Variants in NMRK2 observed in about 807,000 individuals in gnomAD.
The protein encoded by NMRK2 is nicotinamide riboside kinase 2.
A neutral mutation model predicts 24.7 loss-of-function variants in NMRK2; 34 were observed. That is an observed-to-expected ratio of 1.37 (90% CI 1.05 to 1.83). NMRK2 has a LOEUF of 1.83. Ranked by LOEUF, NMRK2 falls within the 40% of genes most tolerant of loss-of-function variation. The pLI is 0.00. For synonymous variants in NMRK2, 145 were observed against 125.6 expected, an observed-to-expected ratio of 1.15 and a Z score of -1.03; for missense variants, 341 against 315.0, an observed-to-expected ratio of 1.08 and a Z score of -0.62.
rs1346621455 is a variant in NMRK2 at position 3,942,321 on chromosome 19, TC to T, written c.*51del. The T allele has an allele frequency of 6.6e-7, 1 of 1,523,002 alleles. No homozygotes were observed. The highest frequency in any genetic ancestry group is 8.9e-7 in the Non-Finnish European group (1 of 1,127,936). The allele number at this position is 1,523,002 out of a possible 1,614,324, so 94.3% of individuals were successfully genotyped here. A position where few individuals can be genotyped will look rare whatever the true frequency, so the allele number is the denominator to read the frequency against. ...GTACGTAGGAGAGTGGAGGCCCCAC[TC>T]CCAGTTGGGCGTCCCGGAGCTCAGG... is the stretch of plus-strand genomic sequence containing the variant. On this transcript the variant is annotated 3_prime_UTR_variant, in exon 8 of 8. Coordinates refer to ENST00000168977, the MANE Select transcript of NMRK2 (RefSeq NM_170678.3).
In NMRK2 at chr19:3,941,166, G is replaced by C; in HGVS notation, c.491G>C (p.Gly164Ala). ...TATAGGCAGGAGATGGAGGCCAACG[G>C]TGTGGAAGTGGGTAAGCCCCTGAGC... Reference protein sequence around the residue: ...QKYRQEMEANGVEVVYLDGMK... With the variant: ...QKYRQEMEANAVEVVYLDGMK... The change falls in exon 7 of 8, where the codon GGT (glycine) becomes GCT (alanine). Residue 164 changes from glycine to alanine, a missense_variant. Coordinates refer to ENST00000168977, the MANE Select transcript of NMRK2 (RefSeq NM_170678.3). The C allele has an allele frequency of 6.3e-7, 1 of 1,588,470 alleles. No individual in the cohort carries two copies. Among genetic ancestry groups the C allele is most frequent in the South Asian group, 1.1e-5 (1 of 90,756 alleles).
In NMRK2 at chr19:3,942,336, C is replaced by A; in HGVS notation, c.*63C>A. 1 of 1,479,678 alleles carries A rather than the reference C, an allele frequency of 6.8e-7. No individual in the cohort carries two copies. The highest frequency in any genetic ancestry group is 1.2e-5 in the South Asian group (1 of 82,598). 91.7% of individuals were successfully genotyped at this position (1,479,678 alleles called of 1,614,324 possible). On this transcript the variant is annotated 3_prime_UTR_variant, in exon 8 of 8. Transcript: ENST00000168977. ...GAGGCCCCACTCCCAGTTGGGCGTC[C>A]CGGAGCTCAGGGACTGAGCCCCAAG...
chr19:3,933,289 TG>T (rs2039146618), intron 1 of NMRK2, 111 bp downstream of exon 1: 1 of 239,972 alleles, frequency 4.2e-6, no homozygotes, highest in South Asian at 9.4e-5. Flanking sequence ...GCTGCTGATC[TG>T]AGCTCTCTGG....
intron 2 of NMRK2, among the ~76,000 whole-genome samples, chr19:3,936,030 G>A (rs1182824551): frequency 6.6e-6 from 1 of 152,088 alleles, no homozygotes; most frequent in African/African-American, 2.4e-5. Context: ...GGCCGACATG[G>A]CAAAACCCCA....
intron 4 of NMRK2, among the ~76,000 whole-genome samples, chr19:3,937,732 A>G (rs1486051999): frequency 1.0e-4 from 3 of 29,586 alleles, no homozygotes; most frequent in African/African-American, 1.5e-4. Context: ...CCCCTCCACT[A>G]TCCCCCGGGG....
At chr19:3,941,482 A>C (rs184161969) in intron 7 of NMRK2, among the ~76,000 whole-genome samples, 3 of 151,672 alleles carry the variant, frequency 2.0e-5, no homozygotes, top group Admixed American at 2.0e-4. Flanking sequence ...CGAACTCCTG[A>C]CCTTAGGTGA....
In NMRK2 at chr19:3,937,250, A is replaced by T; in HGVS notation, c.128A>T (p.Gln43Leu). 6.2e-7 allele frequency: 1 copy of T among 1,613,312 alleles called. No homozygotes were observed. The highest frequency in any genetic ancestry group is 8.5e-7 in the Non-Finnish European group (1 of 1,179,540). The change falls in exon 4 of 8, where the codon CAA becomes CTA. Residue 43 changes from glutamine to leucine, a missense_variant. Physicochemically the swap from Gln to Leu is moderately radical, Grantham distance 113 (BLOSUM62 -2). Transcript: ENST00000168977. ...HQDDFFKPQD[Q>L]IAVGEDGFKQ... ...GCTCCTCTGTTTCAGCCCCAAGACC[A>T]AATAGCAGTTGGGGAAGACGGCTTC... is the stretch of plus-strand genomic sequence containing the variant.
intron 4 of NMRK2, among the ~76,000 whole-genome samples, 181 bp from the exon 5 acceptor site, chr19:3,938,421 TC>T (rs2039256472): frequency 1.1e-5 from 1 of 92,334 alleles, no homozygotes; most frequent in South Asian, 4.0e-4. Flanking sequence ...CGTCCACTGT[TC>T]CCCCGGGGTC....
intron 3 of NMRK2, 128 bp from the exon 4 acceptor site, chr19:3,937,112 C>T: frequency 2.4e-6 from 2 of 826,240 alleles, no homozygotes; most frequent in Non-Finnish European, 4.0e-6. Flanking sequence ...ATCTGAGGGT[C>T]AGGCAGAGCC....
intron 1 of NMRK2, 138 bp downstream of exon 1, chr19:3,933,316 A>T: frequency 3.7e-6 from 1 of 273,468 alleles, no homozygotes; most frequent in South Asian, 8.0e-5. Flanking sequence ...AGGAGGGAAG[A>T]GGGTGGGGGT....
rs533521180 is a variant in NMRK2 at position 3,939,944 on chromosome 19, C to G, written c.368C>G (p.Pro123Arg). Reference protein sequence around the residue: ...LYSRRYFLTVPYEECKWRRST... With the variant: ...LYSRRYFLTVRYEECKWRRST... ...AGCCGCCGGTACTTCCTGACCGTCC[C>G]GTATGAAGAGTGCAAGTGGAGGAGA... Residue 123 changes from proline (P) to arginine (R), a missense_variant, in exon 6 of 8, where the codon CCG becomes CGG. Transcript: ENST00000168977. 3 of 1,613,690 alleles carry G rather than the reference C, an allele frequency of 1.9e-6. No homozygotes were observed. In the East Asian group the frequency reaches 6.7e-5, roughly 36 times the overall value.
intron 2 of NMRK2, among the ~76,000 whole-genome samples, chr19:3,936,190 AAC>A (rs71166942): frequency 0.5 from 74,387 of 149,540 alleles, 20,607 homozygotes; most frequent in East Asian, 0.91. Flanking sequence ...CAGCCTGGGC[AAC>A]AGAGTGAAAC....
At chr19:3,938,516 C>G in intron 4 of NMRK2, 87 bp from the exon 5 acceptor site, 2 of 1,280,888 alleles carry the variant, frequency 1.6e-6, no homozygotes, top group Non-Finnish European at 2.1e-6. Context: ...CCACCGTCCC[C>G]TGGGGTCCGC....
Position 3,942,305 on chromosome 19 carries a change from A to G in NMRK2, c.*32A>G, listed in dbSNP as rs2039350572. 1.3e-6 allele frequency: 2 copies of G among 1,557,078 alleles called. No individual in the cohort carries two copies. The highest frequency in any genetic ancestry group is 1.7e-6 in the Non-Finnish European group (2 of 1,150,736). On this transcript the variant is annotated 3_prime_UTR_variant, in exon 8 of 8. Coordinates refer to ENST00000168977, the MANE Select transcript of NMRK2 (RefSeq NM_170678.3). ...CCCTATGGGGGTGTCTGTACGTAGG[A>G]GAGTGGAGGCCCCACTCCCAGTTGG...
chr19:3,936,826 G>C (rs566849030), intron 3 of NMRK2, among the ~76,000 whole-genome samples, 161 bp downstream of exon 3: 4 of 152,176 alleles, frequency 2.6e-5, no homozygotes, highest in Non-Finnish European at 5.9e-5. Context: ...AACTGGGCCA[G>C]GAAAGTGAGG....
rs1331022764 is a variant in NMRK2, at chr19:3,937,271, G to A, written c.149G>A (p.Gly50Asp). 3 of 1,613,166 alleles carry A rather than the reference G, an allele frequency of 1.9e-6. No individual in the cohort carries two copies. The highest frequency in any genetic ancestry group is 2.7e-5 in the African/African-American group (2 of 74,768). Residue 50 changes from glycine to aspartate, a missense_variant, in exon 4 of 8, where the codon GGC becomes GAC. Gly to Asp is a moderately conservative substitution (Grantham distance 94). Coordinates refer to ENST00000168977, the MANE Select transcript of NMRK2 (RefSeq NM_170678.3). Reference sequence around the variant, plus strand: ...GACCAAATAGCAGTTGGGGAAGACGGCTTCAAACAGTGGGACGGTAAGGAC... The same window carrying A: ...GACCAAATAGCAGTTGGGGAAGACGACTTCAAACAGTGGGACGGTAAGGAC... Reference protein sequence around the residue: ...PQDQIAVGEDGFKQWDVLESL... With the variant: ...PQDQIAVGEDDFKQWDVLESL...
Position 3,933,560 on chromosome 19 carries a change from T to G in NMRK2, c.-112T>G. ...GCGGCCTCCAGGCTGCCGAGACCTA[T>G]AAAGGCGCCAGGTTTTCTCAATGAA... On this transcript the variant is annotated 5_prime_UTR_variant, in exon 2 of 8. Transcript: ENST00000168977. 4 of 1,340,826 alleles carry G rather than the reference T, an allele frequency of 3.0e-6. No homozygotes were observed. Among genetic ancestry groups the G allele is most frequent in the Non-Finnish European group, 4.0e-6 (4 of 995,258 alleles). 83.1% of individuals were successfully genotyped at this position (1,340,826 alleles called of 1,614,324 possible). A position where few individuals can be genotyped will look rare whatever the true frequency, so the allele number is the denominator to read the frequency against.
intron 7 of NMRK2, among the ~76,000 whole-genome samples, 173 bp from the exon 8 acceptor site, chr19:3,941,910 G>A (rs1317523980): frequency 6.6e-6 from 1 of 152,112 alleles, no homozygotes; most frequent in Non-Finnish European, 1.5e-5. Context: ...CAAAGTGCTA[G>A]GATTACAGGT....
intron 1 of NMRK2, 27 bp from the exon 2 acceptor site, chr19:3,933,431 C>A: frequency 2.0e-6 from 1 of 504,932 alleles, no homozygotes; most frequent in Admixed American, 3.9e-5. Flanking sequence ...GCCCGGCCAG[C>A]TCGTGACTAA....
Sources: gnomAD v4.1 joint callset for allele counts (sites outside exome capture counted in the v4.1 genomes callset) on GRCh38, gnomAD v4.1.1 for gene constraint, MANE v1.5 for transcripts, NCBI Gene and HGNC (gene_info 2026-07-23, HGNC 2026-07-21) for gene names.